Variants in ABCA4 observed in about 807,000 individuals in gnomAD.
ABCA4 encodes ATP binding cassette subfamily A member 4, also known as retinal-specific phospholipid-transporting ATPase ABCA4.
ABCA4 carries 196 observed loss-of-function variants against 263.7 expected under a neutral mutation model. The ratio of observed to expected loss-of-function variants is 0.74; its 90% CI spans 0.66 to 0.84. The LOEUF (loss-of-function observed/expected upper bound fraction) is 0.84, where lower values mean the gene tolerates loss of function less well. Ranked by LOEUF, ABCA4 falls within the 40% of genes least tolerant of loss-of-function variation. The probability of loss-of-function intolerance (pLI) is 0.00; values close to 1 mark genes in which losing one functional copy is unlikely to be tolerated. For missense variants in ABCA4, 2,792 were observed against 2,855.1 expected, an observed-to-expected ratio of 0.98 and a Z score of 0.50; for synonymous variants, 1,133 against 1,094.2, an observed-to-expected ratio of 1.04 and a Z score of -0.70.
At chr1:94,080,937 C>T (rs1380204096) in intron 7 of ABCA4, among the ~76,000 whole-genome samples, 1 of 152,136 alleles carries the variant, frequency 6.6e-6, no homozygotes, top group Non-Finnish European at 1.5e-5. Context: ...AAGAAAATCA[C>T]AGAGTGGCCG....
At position 94,079,430 on chromosome 1, in the gene ABCA4, C is replaced by G; in HGVS notation, c.1131G>C (p.Leu377=). The G allele has an allele frequency of 1.2e-6, 2 of 1,614,168 alleles. No homozygotes were observed. Among genetic ancestry groups the G allele is most frequent in the Non-Finnish European group, 1.7e-6 (2 of 1,180,032 alleles). The change falls in exon 9 of 50, where the codon CTG becomes CTC. Residue 377 remains leucine (L), a synonymous_variant. Coordinates refer to ENST00000370225, the MANE Select transcript of ABCA4 (RefSeq NM_000350.3). ...CGATTTTGGTTAAAGGATTTGACTC[C>G]AGGCTCTGGATCAATGCATTACAAA... ...TSFCNALIQS[L]ESNPLTKIAW...
chr1:94,059,762 A>T (rs1304365548), intron 14 of ABCA4: 5 of 152,454 alleles, frequency 3.3e-5, no homozygotes, highest in African/African-American at 1.2e-4. Context: ...AATAAAATAT[A>T]AAAAATGACC....
chr1:94,085,402 G>A (rs1661803485), intron 6 of ABCA4, among the ~76,000 whole-genome samples: 1 of 152,180 alleles, frequency 6.6e-6, no homozygotes, highest in Non-Finnish European at 1.5e-5. Context: ...TAGTGTATAT[G>A]CAAAAATAAA....
At chr1:94,048,598 C>T (rs1337816497) in intron 18 of ABCA4, among the ~76,000 whole-genome samples, 1 of 152,228 alleles carries the variant, frequency 6.6e-6, no homozygotes, top group African/African-American at 2.4e-5. Flanking sequence ...GTGCAACTCA[C>T]TTGGGATTTG....
At position 94,048,779 on chromosome 1, in the gene ABCA4, C is replaced by T. The variant is rs938667817; in HGVS notation, c.2743+89G>A. On this transcript the variant is annotated intron_variant, in intron 18 of 49. Coordinates refer to ENST00000370225, the MANE Select transcript of ABCA4 (RefSeq NM_000350.3). The stretch of plus-strand genomic sequence containing the variant: ...AGTCAGTTTCCTAGGCTTCTTTCCA[C>T]CCTTGCCATGAGATGTTTTGCTCTG... 6 of 1,291,430 alleles carry T rather than the reference C, an allele frequency of 4.6e-6. No individual in the cohort carries two copies. In the Admixed American group the frequency reaches 8.6e-5, roughly 19 times the overall value. The allele number at this position is 1,291,430 out of a possible 1,614,324, so 80.0% of individuals were successfully genotyped here.
intron 36 of ABCA4, among the ~76,000 whole-genome samples, chr1:94,018,119 C>G (rs1640624844): frequency 6.6e-6 from 1 of 152,248 alleles, no homozygotes; most frequent in Admixed American, 6.5e-5. Flanking sequence ...AGTATCACCT[C>G]CCACCTCAGA....
chr1:94,103,954 T>C (rs1662352479), intron 4 of ABCA4, among the ~76,000 whole-genome samples: 1 of 152,212 alleles, frequency 6.6e-6, no homozygotes, highest in South Asian at 2.1e-4. Context: ...TAAGGTGACC[T>C]TGGGGCAAGT....
rs1173820401 is a variant in ABCA4 at position 94,005,269 on chromosome 1, A to T, written c.6147+172T>A. On this transcript the variant is annotated intron_variant, in intron 44 of 49. Transcript: ENST00000370225. ...TTTTGTCTGTCTTGTTCACTGCTATACTCCTGGTTTCTAGAACAGTACTTG... is the reference window on the plus strand; with the variant it reads ...TTTTGTCTGTCTTGTTCACTGCTATTCTCCTGGTTTCTAGAACAGTACTTG... The T allele has an allele frequency of 4.9e-6, 4 of 814,914 alleles. No homozygotes were observed. In the Admixed American group the frequency reaches 1.0e-4, roughly 21 times the overall value. 50.5% of individuals were successfully genotyped at this position (814,914 alleles called of 1,614,324 possible).
Position 94,055,153 on chromosome 1 carries a change from C to T in ABCA4, c.2545G>A (p.Val849Ile). 6.2e-7 allele frequency: 1 copy of T among 1,614,156 alleles called. No homozygotes were observed. Among genetic ancestry groups the T allele is most frequent in the Non-Finnish European group, 8.5e-7 (1 of 1,180,020 alleles). Residue 849 changes from valine to isoleucine, a missense_variant, in exon 16 of 50, where the codon GTC (valine) becomes ATC (isoleucine). Coordinates refer to ENST00000370225, the MANE Select transcript of ABCA4 (RefSeq NM_000350.3). ...AGGTACCAAGCGAGTAAGCCATAGA[C>T]AGCAGCATCAAGGAGCATCATCTGC... ...SMQMMLLDAA[V>I]YGLLAWYLDQ...
At chr1:94,006,712 G>A (rs1659399475) in intron 43 of ABCA4, among the ~76,000 whole-genome samples, 1 of 152,224 alleles carries the variant, frequency 6.6e-6, no homozygotes, top group African/African-American at 2.4e-5. Flanking sequence ...GTCTGAGCCA[G>A]TGAAGCGTGC....
chr1:94,119,038 A>G (rs1662878266), intron 1 of ABCA4, among the ~76,000 whole-genome samples: 1 of 152,210 alleles, frequency 6.6e-6, no homozygotes, highest in Non-Finnish European at 1.5e-5. Context: ...TTTCCTCCGC[A>G]GTCCACAGAT....
intron 6 of ABCA4, among the ~76,000 whole-genome samples, 171 bp downstream of exon 6, chr1:94,098,623 C>T (rs1208052358): frequency 6.6e-6 from 1 of 152,172 alleles, no homozygotes; most frequent in East Asian, 1.9e-4. Flanking sequence ...GGTCCCTGGG[C>T]CACTGTTCTA....
Position 94,019,615 on chromosome 1 carries a change from GGT to G in ABCA4, c.5161_5162del (p.Thr1721HisfsTer65), listed in dbSNP as rs61750566. The G allele has an allele frequency of 1.9e-6, 3 of 1,610,664 alleles. No homozygotes were observed. Among genetic ancestry groups the G allele is most frequent in the Non-Finnish European group, 2.5e-6 (3 of 1,178,314 alleles). ...HLQFISGVSP[T>X]TYWVTNFLWD... ...AGAGGAAGTTGGTCACCCAGTAGGT[GGT>G]GGGGCTCACTCCACTGATAAACTGG... On this transcript the variant is annotated frameshift_variant, in exon 36 of 50. Coordinates refer to ENST00000370225, the MANE Select transcript of ABCA4 (RefSeq NM_000350.3). LOFTEE classifies it high-confidence loss of function.
In ABCA4 at chr1:94,111,425, T is replaced by A; in HGVS notation, c.302+13A>T. The A allele has an allele frequency of 6.2e-7, 1 of 1,613,732 alleles. No homozygotes were observed. Among genetic ancestry groups the A allele is most frequent in the Non-Finnish European group, 8.5e-7 (1 of 1,179,868 alleles). On this transcript the variant is annotated intron_variant, in intron 3 of 49. Coordinates refer to ENST00000370225, the MANE Select transcript of ABCA4 (RefSeq NM_000350.3). ...AACTTCCTCCCCTGCATGGTAGGGA[T>A]CTCAACACTTACATGGAGTTGTTAT...
chr1:94,030,677 G>T, intron 28 of ABCA4, 151 bp from the exon 29 acceptor site: 1 of 839,550 alleles, frequency 1.2e-6, no homozygotes, highest in South Asian at 1.4e-5. Flanking sequence ...CTGGGAGTGC[G>T]GTAGGCTGCC....
At chr1:94,095,159 G>A (rs1285916881) in intron 6 of ABCA4, among the ~76,000 whole-genome samples, 1 of 152,212 alleles carries the variant, frequency 6.6e-6, no homozygotes, top group African/African-American at 2.4e-5. Flanking sequence ...TGGGTGGGAT[G>A]GTGTGGGAGG....
intron 47 of ABCA4, among the ~76,000 whole-genome samples, chr1:94,000,238 C>A (rs116397416): frequency 6.6e-6 from 1 of 152,152 alleles, no homozygotes; most frequent in Non-Finnish European, 1.5e-5. Context: ...TGAATGAGCA[C>A]GGCAATATGC....
intron 16 of ABCA4, 92 bp downstream of exon 16, chr1:94,055,019 C>A: frequency 7.7e-7 from 1 of 1,296,868 alleles, no homozygotes; most frequent in Admixed American, 1.8e-5. Context: ...TGACAAAGAG[C>A]TTGGAAGAAA....
chr1:94,104,290 C>T (rs746258721), intron 4 of ABCA4, among the ~76,000 whole-genome samples: 2 of 152,186 alleles, frequency 1.3e-5, no homozygotes. Flanking sequence ...CGTGAAAATG[C>T]CAATCTCTTC....
Sources: allele counts gnomAD v4.1 joint callset (sites outside exome capture counted in the v4.1 genomes callset), GRCh38; gene constraint gnomAD v4.1.1; transcripts MANE v1.5; gene names NCBI Gene and HGNC (gene_info 2026-07-23, HGNC 2026-07-21).